Variants in MB21D2 observed in about 807,000 individuals in gnomAD.
The protein encoded by MB21D2 is Mab-21 domain containing 2.
In MB21D2, 9 loss-of-function variants were observed where a neutral mutation model predicts 33.3. The observed-to-expected ratio is 0.27, with a 90% CI of 0.16 to 0.47. MB21D2 has a LOEUF of 0.47. Ranked by LOEUF, MB21D2 falls within the 20% of genes least tolerant of loss-of-function variation. MB21D2 has a pLI of 0.99. For missense variants in MB21D2, 540 were observed against 624.6 expected, an observed-to-expected ratio of 0.86 and a Z score of 1.44; for synonymous variants, 241 against 236.3, an observed-to-expected ratio of 1.02 and a Z score of -0.18.
At chr3:192,814,304 G>GA (rs142838816) in intron 1 of MB21D2, among the ~76,000 whole-genome samples, 3,494 of 148,838 alleles carry the variant, frequency 0.023, 102 homozygotes, top group African/African-American at 0.065. Flanking sequence ...CAACAGACAT[G>GA]AAAAAAAAAA....
intron 1 of MB21D2, among the ~76,000 whole-genome samples, chr3:192,911,153 G>A (rs1043798489): frequency 1.3e-5 from 2 of 152,034 alleles, no homozygotes; most frequent in Non-Finnish European, 2.9e-5. Context: ...TATTCATCCT[G>A]ACCCAGGTTA....
intron 1 of MB21D2, among the ~76,000 whole-genome samples, chr3:192,857,819 T>C (rs1712951411): frequency 6.6e-6 from 1 of 151,918 alleles, no homozygotes; most frequent in South Asian, 2.1e-4. Context: ...TCTGGCAAAA[T>C]CACATATGAT....
chr3:192,838,603 T>C (rs148987584), intron 1 of MB21D2, among the ~76,000 whole-genome samples: 41 of 152,202 alleles, frequency 2.7e-4, no homozygotes, highest in African/African-American at 9.4e-4. Context: ...TACTTTTTTG[T>C]ATTTTTAATA....
intron 1 of MB21D2, among the ~76,000 whole-genome samples, chr3:192,867,273 A>G (rs973758446): frequency 1.3e-5 from 2 of 152,126 alleles, no homozygotes; most frequent in Admixed American, 1.3e-4. Flanking sequence ...CTACAACACA[A>G]TCAAAACAGG....
At position 192,886,248 on chromosome 3, in the gene MB21D2, G is replaced by A. The variant is rs139564672; in HGVS notation, c.211+31382C>T. ...GCTGGGATTACAGGCGTGAGTCACCGCACCTGGTCTATTTTTATAATTTTT... is the reference window on the plus strand; with the variant it reads ...GCTGGGATTACAGGCGTGAGTCACCACACCTGGTCTATTTTTATAATTTTT... On this transcript the variant is annotated intron_variant, in intron 1 of 1. Coordinates refer to ENST00000392452, the MANE Select transcript of MB21D2 (RefSeq NM_178496.4). Among the ~76,000 whole-genome samples the A allele has an allele frequency of 2.8e-3, 430 of 152,236 alleles. 4 individuals are homozygous for A. Among genetic ancestry groups the A allele is most frequent in the Middle Eastern group, 0.01 (3 of 294 alleles).
chr3:192,809,496 C>T (rs539035361), intron 1 of MB21D2, among the ~76,000 whole-genome samples: 49 of 152,114 alleles, frequency 3.2e-4, no homozygotes, highest in Non-Finnish European at 6.2e-4. Flanking sequence ...CAAGTTGATC[C>T]TATGCTGCTT....
intron 1 of MB21D2, among the ~76,000 whole-genome samples, chr3:192,833,852 C>T (rs1712373687): frequency 6.6e-6 from 1 of 152,202 alleles, no homozygotes; most frequent in Non-Finnish European, 1.5e-5. Context: ...CCCTCTTCTC[C>T]TTCTAGGGAA....
chr3:192,863,420 C>CCAAG (rs1577187656), intron 1 of MB21D2, among the ~76,000 whole-genome samples: 1 of 152,310 alleles, frequency 6.6e-6, no homozygotes, highest in East Asian at 1.9e-4. Context: ...CGGTTGTTTT[C>CCAAG]CAAGTGGGAA....
Position 192,797,344 on chromosome 3 carries a change from G to T in MB21D2, c.*1042C>A, listed in dbSNP as rs779028643. The T allele has an allele frequency of 1.3e-5, 2 of 152,524 alleles. No homozygotes were observed. Among genetic ancestry groups the T allele is most frequent in the Non-Finnish European group, 2.9e-5 (2 of 68,004 alleles). The allele number at this position is 152,524 out of a possible 1,614,324, so 9.4% of individuals were successfully genotyped here. On this transcript the variant is annotated 3_prime_UTR_variant, in exon 2 of 2. Coordinates refer to ENST00000392452, the MANE Select transcript of MB21D2 (RefSeq NM_178496.4). ...AAAGCTTACCTCTATGACCCCAAAAGAAATAAATACAAAGACACCTACTTC... is the reference window on the plus strand; with the variant it reads ...AAAGCTTACCTCTATGACCCCAAAATAAATAAATACAAAGACACCTACTTC...
intron 1 of MB21D2, among the ~76,000 whole-genome samples, chr3:192,858,613 TC>T (rs1442977468): frequency 6.6e-6 from 1 of 152,208 alleles, no homozygotes; most frequent in Non-Finnish European, 1.5e-5. Flanking sequence ...TGAATGCTTA[TC>T]ATACTTTCTA....
intron 1 of MB21D2, among the ~76,000 whole-genome samples, chr3:192,856,568 T>C (rs937188501): frequency 6.6e-6 from 1 of 152,148 alleles, no homozygotes; most frequent in Non-Finnish European, 1.5e-5. Flanking sequence ...TTGTTTTTTT[T>C]CTCTTAAGAC....
intron 1 of MB21D2, among the ~76,000 whole-genome samples, chr3:192,843,113 G>C (rs1447107251): frequency 6.6e-6 from 1 of 152,138 alleles, no homozygotes; most frequent in African/African-American, 2.4e-5. Context: ...GAAAGTTAAA[G>C]CTACTAGCTC....
At chr3:192,823,373 G>T (rs2108617181) in intron 1 of MB21D2, among the ~76,000 whole-genome samples, 1 of 152,300 alleles carries the variant, frequency 6.6e-6, no homozygotes, top group East Asian at 1.9e-4. Context: ...CATTTCTCTG[G>T]CTGGGCACGG....
At chr3:192,858,117 C>T (rs1712958898) in intron 1 of MB21D2, among the ~76,000 whole-genome samples, 1 of 152,142 alleles carries the variant, frequency 6.6e-6, no homozygotes, top group South Asian at 2.1e-4. Flanking sequence ...AAGAGCAAAA[C>T]TCTGTCTCAA....
chr3:192,811,983 T>C (rs1347931185), intron 1 of MB21D2, among the ~76,000 whole-genome samples: 1 of 152,182 alleles, frequency 6.6e-6, no homozygotes, highest in East Asian at 1.9e-4. Flanking sequence ...ATGATATATT[T>C]AGTTTCTTCA....
At chr3:192,859,342 T>C (rs1477479956) in intron 1 of MB21D2, among the ~76,000 whole-genome samples, 2 of 152,138 alleles carry the variant, frequency 1.3e-5, no homozygotes, top group African/African-American at 4.8e-5. Flanking sequence ...AATCTCTCCC[T>C]CCTGTCAAAC....
intron 1 of MB21D2, among the ~76,000 whole-genome samples, chr3:192,859,003 A>G (rs556116292): frequency 3.8e-4 from 58 of 152,302 alleles, no homozygotes; most frequent in Non-Finnish European, 6.6e-4. Context: ...CAACTTCCTG[A>G]TTTTAAGGTT....
intron 1 of MB21D2, among the ~76,000 whole-genome samples, chr3:192,816,507 A>T (rs937441117): frequency 6.6e-6 from 1 of 152,198 alleles, no homozygotes; most frequent in Non-Finnish European, 1.5e-5. Context: ...GACTGGCTGC[A>T]ACCCAAAAAG....
intron 1 of MB21D2, among the ~76,000 whole-genome samples, chr3:192,809,600 T>C (rs897081449): frequency 1.3e-5 from 2 of 152,196 alleles, no homozygotes; most frequent in African/African-American, 4.8e-5. Flanking sequence ...AAACAGTAAG[T>C]AGAAATTTAT....
Sources: allele counts gnomAD v4.1 joint callset (sites outside exome capture counted in the v4.1 genomes callset), GRCh38; gene constraint gnomAD v4.1.1; transcripts MANE v1.5; gene names NCBI Gene and HGNC (gene_info 2026-07-23, HGNC 2026-07-21).